Variants in BMF observed in about 807,000 individuals in gnomAD.
BMF encodes the protein bcl-2-modifying factor.
Under a neutral mutation model 22.0 loss-of-function variants are expected in BMF, and 10 were observed. The observed-to-expected ratio is 0.45, with a 90% confidence interval of 0.28 to 0.77. The LOEUF (loss-of-function observed/expected upper bound fraction) is 0.77, where lower values mean the gene tolerates loss of function less well. BMF is among the 30% of genes least tolerant of loss of function. BMF has a pLI of 0.13. For synonymous variants in BMF, 87 were observed against 88.1 expected, an observed-to-expected ratio of 0.99 and a Z score of 0.07; for missense variants, 206 against 226.8, an observed-to-expected ratio of 0.91 and a Z score of 0.59.
intron 2 of BMF, among the ~76,000 whole-genome samples, chr15:40,107,396 G>A (rs969248959): frequency 1.3e-5 from 2 of 152,102 alleles, no homozygotes; most frequent in East Asian, 1.9e-4. Context: ...CTGCTTGCTT[G>A]GGCCCTGCCT....
At chr15:40,093,669 A>G (rs1336038409) in intron 4 of BMF, among the ~76,000 whole-genome samples, 1 of 152,140 alleles carries the variant, frequency 6.6e-6, no homozygotes, top group Non-Finnish European at 1.5e-5. Flanking sequence ...ATCCCTGGAG[A>G]GGCCAGTCTG....
chr15:40,101,256 A>G (rs1567034279), intron 4 of BMF, among the ~76,000 whole-genome samples: 1 of 152,264 alleles, frequency 6.6e-6, no homozygotes. Flanking sequence ...GATCAGGATC[A>G]TAAACAGAAA....
Position 40,088,011 on chromosome 15 carries a change from T to TA in BMF, c.*3775dup, listed in dbSNP as rs2036165989. 1 of 152,452 alleles carries TA rather than the reference T, an allele frequency of 6.6e-6. No homozygotes were observed. The highest frequency in any genetic ancestry group is 1.5e-5 in the Non-Finnish European group (1 of 68,024). The allele number at this position is 152,452 out of a possible 1,614,324, so 9.4% of individuals were successfully genotyped here. Reference sequence around the variant, plus strand: ...AAGCCAAAGGCTCTGTACAGTTTTTTAAAAAATGGGGCCCCTTTCTTCTTC... The same window carrying TA: ...AAGCCAAAGGCTCTGTACAGTTTTTTAAAAAAATGGGGCCCCTTTCTTCTTC... On this transcript the variant is annotated 3_prime_UTR_variant, in exon 5 of 5. Transcript: ENST00000354670.
intron 4 of BMF, among the ~76,000 whole-genome samples, chr15:40,092,141 C>CAAG (rs1406929716): frequency 6.6e-6 from 1 of 152,168 alleles, no homozygotes; most frequent in Non-Finnish European, 1.5e-5. Context: ...GCACTATGCA[C>CAAG]AAGAGGATTA....
chr15:40,091,098 A>G lies in BMF; in HGVS notation c.*689T>C, dbSNP rs1003638495. 3 of 152,760 alleles carry G rather than the reference A, an allele frequency of 2.0e-5. No homozygotes were observed. Among genetic ancestry groups the G allele is most frequent in the Non-Finnish European group, 4.4e-5 (3 of 68,128 alleles). The allele number at this position is 152,760 out of a possible 1,614,324, so 9.5% of individuals were successfully genotyped here. A position where few individuals can be genotyped will look rare whatever the true frequency, so the allele number is the denominator to read the frequency against. ...ACCAAGTCAGTTTTGAGGCCTAGCCAGAAGTTTGGTTCATTTTGCGACATG... is the reference window on the plus strand; with the variant it reads ...ACCAAGTCAGTTTTGAGGCCTAGCCGGAAGTTTGGTTCATTTTGCGACATG... On this transcript the variant is annotated 3_prime_UTR_variant, in exon 5 of 5. Coordinates refer to ENST00000354670, the MANE Select transcript of BMF (RefSeq NM_001003940.2).
chr15:40,092,590 G>A (rs1177924497), intron 4 of BMF, among the ~76,000 whole-genome samples: 1 of 152,134 alleles, frequency 6.6e-6, no homozygotes, highest in Non-Finnish European at 1.5e-5. Flanking sequence ...CTCTCCTACT[G>A]ACTGGAGCCA....
chr15:40,099,333 G>T (rs1045860951), intron 4 of BMF, among the ~76,000 whole-genome samples: 18 of 152,176 alleles, frequency 1.2e-4, no homozygotes, highest in African/African-American at 4.3e-4. Context: ...ACTTCCAAAA[G>T]AGCTCCCCAA....
intron 4 of BMF, among the ~76,000 whole-genome samples, chr15:40,092,215 G>A (rs2036249787): frequency 6.6e-6 from 1 of 152,076 alleles, no homozygotes. Context: ...AATCAGATTG[G>A]CTCCCGAGCC....
chr15:40,108,667 C>G (rs2036636315), intron 1 of BMF, 106 bp downstream of exon 1: 1 of 152,650 alleles, frequency 6.6e-6, no homozygotes, highest in Non-Finnish European at 1.5e-5. Context: ...CGTCCGCAGC[C>G]CAAACCCTTC....
At chr15:40,105,672 G>C (rs1470605261) in intron 3 of BMF, 123 bp downstream of exon 3, 33 of 1,227,738 alleles carry the variant, frequency 2.7e-5, no homozygotes, top group Non-Finnish European at 3.6e-5. Flanking sequence ...TGGAAGTCAA[G>C]GAATCAACAG....
chr15:40,104,129 C>A (rs1356223762), intron 4 of BMF, 51 bp downstream of exon 4: 3 of 1,602,976 alleles, frequency 1.9e-6, no homozygotes, highest in African/African-American at 1.3e-5. Context: ...CAGGCCCTGG[C>A]CCCCAAGCCC....
rs1388889761 is a variant in BMF, at chr15:40,090,053, G to A, written c.*1734C>T. 1 of 152,556 alleles carries A rather than the reference G, an allele frequency of 6.6e-6. No individual in the cohort carries two copies. The highest frequency in any genetic ancestry group is 1.5e-5 in the Non-Finnish European group (1 of 68,056). The allele number at this position is 152,556 out of a possible 1,614,324, so 9.5% of individuals were successfully genotyped here. ...AGGCCCTTCTCCTCCAGGGTGCTGT[G>A]AGCCCATATGGCACCTTTGCAAATT... On this transcript the variant is annotated 3_prime_UTR_variant, in exon 5 of 5. Coordinates refer to ENST00000354670, the MANE Select transcript of BMF (RefSeq NM_001003940.2).
At chr15:40,098,389 A>G (rs1465905403) in intron 4 of BMF, among the ~76,000 whole-genome samples, 12 of 152,108 alleles carry the variant, frequency 7.9e-5, no homozygotes, top group Admixed American at 6.5e-4. Flanking sequence ...GAACAGCTCC[A>G]TCAAACTACT....
rs2036577869 is a variant in BMF, at chr15:40,105,880, A to G, written c.207T>C (p.Ala69=). The G allele has an allele frequency of 6.2e-7, 1 of 1,614,002 alleles. No individual in the cohort carries two copies. ...GGGAGGCTGGGCTGAGAGTCTGGGT[A>G]GCTTTGTCTTCCTGGCTGGTGGGTC... is the stretch of plus-strand genomic sequence containing the variant. ...GLRPTSQEDK[A]TQTLSPASPS... The change falls in exon 3 of 5, where the codon GCT becomes GCC. Residue 69 remains alanine (A), a synonymous_variant. Transcript: ENST00000354670.
intron 4 of BMF, among the ~76,000 whole-genome samples, chr15:40,092,374 G>A (rs2036255439): frequency 6.6e-6 from 1 of 152,132 alleles, no homozygotes; most frequent in Non-Finnish European, 1.5e-5. Context: ...AGGTCAAAGG[G>A]TTAATCTTCA....
In BMF at chr15:40,094,300, T is replaced by TG. The variant is rs554538044; in HGVS notation, c.454-2413dup. Among the ~76,000 whole-genome samples the TG allele has an allele frequency of 2.1e-4, 32 of 152,274 alleles. No individual in the cohort carries two copies. The South Asian group carries it at 6.4e-3, about 31-fold the overall frequency. On this transcript the variant is annotated intron_variant, in intron 4 of 4. Transcript: ENST00000354670. The stretch of plus-strand genomic sequence containing the variant: ...GCGTTGGGGGACTCAGAAGCAGCTG[T>TG]GGGCCAGAGAGTGCTTTCAGACAGG...
rs2036589674 is a variant in BMF, at chr15:40,106,473, T to C, written c.-5-382A>G. 1.1e-5 allele frequency: 2 copies of C among 179,504 alleles called. No individual in the cohort carries two copies. Among genetic ancestry groups the C allele is most frequent in the Admixed American group, 1.2e-4 (2 of 16,846 alleles). The allele number at this position is 179,504 out of a possible 1,614,324, so 11.1% of individuals were successfully genotyped here. A position where few individuals can be genotyped will look rare whatever the true frequency, so the allele number is the denominator to read the frequency against. On this transcript the variant is annotated intron_variant, in intron 2 of 4. Coordinates refer to ENST00000354670, the MANE Select transcript of BMF (RefSeq NM_001003940.2). The surrounding 1 kb of genome is among the most constrained non-coding windows in gnomAD (Gnocchi z 4.1). ...TATAAACAAGACTAGCCTCTGTAAG[T>C]TGCTGTCAAGGGTGCTGTGACTGGC...
At chr15:40,093,950 A>G (rs778883638) in intron 4 of BMF, among the ~76,000 whole-genome samples, 4 of 152,136 alleles carry the variant, frequency 2.6e-5, no homozygotes, top group Non-Finnish European at 5.9e-5. Flanking sequence ...TTACTTAGCG[A>G]CCACATAGCT....
rs1035063977 is a variant in BMF at position 40,091,099 on chromosome 15, G to C, written c.*688C>G. On this transcript the variant is annotated 3_prime_UTR_variant, in exon 5 of 5. Transcript: ENST00000354670. Reference sequence around the variant, plus strand: ...CCAAGTCAGTTTTGAGGCCTAGCCAGAAGTTTGGTTCATTTTGCGACATGT... The same window carrying C: ...CCAAGTCAGTTTTGAGGCCTAGCCACAAGTTTGGTTCATTTTGCGACATGT... The C allele has an allele frequency of 8.5e-5, 13 of 152,772 alleles. No homozygotes were observed. The highest frequency in any genetic ancestry group is 2.6e-4 in the Admixed American group (4 of 15,288). The allele number at this position is 152,772 out of a possible 1,614,324, so 9.5% of individuals were successfully genotyped here. A position where few individuals can be genotyped will look rare whatever the true frequency, so the allele number is the denominator to read the frequency against.
Sources: allele counts gnomAD v4.1 joint callset (sites outside exome capture counted in the v4.1 genomes callset), GRCh38; gene constraint gnomAD v4.1.1; non-coding constraint Gnocchi (gnomAD v3.1); transcripts MANE v1.5; gene names NCBI Gene and HGNC (gene_info 2026-07-23, HGNC 2026-07-21).